RAI14: variants seen among roughly 807,000 people sequenced by gnomAD.
RAI14 encodes ankycorbin.
RAI14 carries 45 observed loss-of-function variants against 115.4 expected under a neutral mutation model. The ratio of observed to expected loss-of-function variants is 0.39; its 90% CI spans 0.31 to 0.50. RAI14 has a LOEUF of 0.50. Among genes scored for constraint, RAI14 ranks in the 20% least tolerant of loss-of-function variants. The pLI is 0.85. For missense variants in RAI14, 939 were observed against 1,131.2 expected, an observed-to-expected ratio of 0.83 and a Z score of 2.44; for synonymous variants, 371 against 415.4, an observed-to-expected ratio of 0.89 and a Z score of 1.30.
chr5:34,805,621 C>T (rs1391766181), intron 5 of RAI14, among the ~76,000 whole-genome samples: 1 of 152,138 alleles, frequency 6.6e-6, no homozygotes, highest in African/African-American at 2.4e-5. Flanking sequence ...GGGTGGATCA[C>T]CTGAGGCCAG....
chr5:34,720,566 A>G (rs1041237991), intron 2 of RAI14, among the ~76,000 whole-genome samples: 17 of 151,776 alleles, frequency 1.1e-4, no homozygotes, highest in Middle Eastern at 3.4e-3. Flanking sequence ...GCCCGCCACC[A>G]CGCCCAGCTA....
intron 1 of RAI14, among the ~76,000 whole-genome samples, chr5:34,675,793 G>A (rs76974979): frequency 0.11 from 16,326 of 151,844 alleles, 2,375 homozygotes; most frequent in African/African-American, 0.33. Flanking sequence ...CATATAATGT[G>A]TGGTCTTTTC....
chr5:34,770,774 G>C (rs1479644824), intron 3 of RAI14, among the ~76,000 whole-genome samples: 2 of 152,008 alleles, frequency 1.3e-5, no homozygotes, highest in Non-Finnish European at 2.9e-5. Flanking sequence ...TGCGTGTAGA[G>C]CCTTGTATGC....
intron 2 of RAI14, among the ~76,000 whole-genome samples, chr5:34,697,449 G>GAAAAAAAAAAAAAAAAAAAAAAAAAAA (rs113110556): frequency 1.6e-5 from 2 of 127,732 alleles, no homozygotes. Context: ...AAAAAAAAAA[G>GAAAAAAAAAAAAAAAAAAAAAAAAAAA]AAAAAAAAAA....
chr5:34,740,299 G>C (rs1489968703), intron 2 of RAI14, among the ~76,000 whole-genome samples: 2 of 152,174 alleles, frequency 1.3e-5, no homozygotes, highest in African/African-American at 4.8e-5. Flanking sequence ...AAATGTCTTA[G>C]ATTAAGGCCT....
At position 34,724,077 on chromosome 5, in the gene RAI14, C is replaced by T. The variant is rs543335258; in HGVS notation, c.37-33391C>T. ...TGTTGCCCAGGCTGGAGTGCGGTGGCGCAATCTCGGCTCACTGCAAACTCT... is the reference window on the plus strand; with the variant it reads ...TGTTGCCCAGGCTGGAGTGCGGTGGTGCAATCTCGGCTCACTGCAAACTCT... On this transcript the variant is annotated intron_variant, in intron 2 of 17. Transcript: ENST00000265109. Among the ~76,000 whole-genome samples the T allele has an allele frequency of 3.9e-5, 6 of 152,232 alleles. No individual in the cohort carries two copies. In the East Asian group the frequency reaches 5.8e-4, roughly 15 times the overall value.
Position 34,813,611 on chromosome 5 carries a change from G to A in RAI14, c.803G>A (p.Gly268Glu). The A allele has an allele frequency of 6.2e-7, 1 of 1,613,088 alleles. No homozygotes were observed. The highest frequency in any genetic ancestry group is 8.5e-7 in the Non-Finnish European group (1 of 1,179,482). The change falls in exon 11 of 18, where the codon GGA becomes GAA. Residue 268 changes from glycine to glutamate, a missense_variant. Coordinates refer to ENST00000265109, the MANE Select transcript of RAI14 (RefSeq NM_015577.3). ...QVSKISSERS[G>E]TPKKRKAPPP... The stretch of plus-strand genomic sequence containing the variant: ...TCTAAAATAAGCTCAGAAAGAAGTG[G>A]AACTCCAAAAAAACGCAAAGCTCCA...
rs1315594173 is a variant in RAI14 at position 34,752,739 on chromosome 5, G to GTATATA, written c.37-4728_37-4727insATATAT. 3.7e-3 allele frequency among the ~76,000 whole-genome samples: 392 copies of GTATATA among 105,680 alleles called. 5 individuals carry two copies. Among genetic ancestry groups the GTATATA allele is most frequent in the South Asian group, 5.1e-3 (18 of 3,546 alleles). The allele number at this position is 105,680 out of a possible 152,430, so 69.3% of individuals were successfully genotyped here. On this transcript the variant is annotated intron_variant, in intron 2 of 17. Transcript: ENST00000265109. ...TGTGTGTGTGTGTGTGTGTGTGTGT[G>GTATATA]TGTGTGTGTGTATATATATATATAT...
intron 2 of RAI14, among the ~76,000 whole-genome samples, chr5:34,750,848 A>ATTTTTTTTT (rs869028180): frequency 0.044 from 3,695 of 83,312 alleles, 272 homozygotes; most frequent in South Asian, 0.086. Flanking sequence ...TTGCTTTATC[A>ATTTTTTTTT]TTTTTTTTTT....
At position 34,796,014 on chromosome 5, in the gene RAI14, C is replaced by A. The variant is rs771943064; in HGVS notation, c.243C>A (p.Ala81=). The A allele has an allele frequency of 6.2e-7, 1 of 1,609,960 alleles. No individual in the cohort carries two copies. The highest frequency in any genetic ancestry group is 1.3e-5 in the African/African-American group (1 of 74,824). The change falls in exon 4 of 18, where the codon GCC becomes GCA. Residue 81 remains alanine, a synonymous_variant. Transcript: ENST00000265109. ...VMITHGVDVT[A]QDTTGHSALH... Reference sequence around the variant, plus strand: ...TTACACATGGTGTGGATGTGACAGCCCAAGATACTACCGGTATGTGGTTTT... The same window carrying A: ...TTACACATGGTGTGGATGTGACAGCACAAGATACTACCGGTATGTGGTTTT...
intron 3 of RAI14, among the ~76,000 whole-genome samples, chr5:34,766,908 C>G (rs75283499): frequency 0.08 from 12,113 of 152,174 alleles, 1,676 homozygotes; most frequent in African/African-American, 0.28. Flanking sequence ...TTCTCCCATA[C>G]TGTTCTTGCA....
chr5:34,664,067 C>A (rs1187461119), intron 1 of RAI14, among the ~76,000 whole-genome samples: 1 of 152,144 alleles, frequency 6.6e-6, no homozygotes, highest in South Asian at 2.1e-4. Context: ...ATTTGCTAAT[C>A]CCTGCTTCTA....
At chr5:34,738,275 A>G (rs1745105046) in intron 2 of RAI14, among the ~76,000 whole-genome samples, 1 of 152,196 alleles carries the variant, frequency 6.6e-6, no homozygotes, top group South Asian at 2.1e-4. Context: ...TAAAAAAACA[A>G]AAACAAAACC....
At chr5:34,795,742 A>G (rs1214384867) in intron 3 of RAI14, among the ~76,000 whole-genome samples, 197 bp from the exon 4 acceptor site, 6 of 151,852 alleles carry the variant, frequency 4.0e-5, no homozygotes, top group Admixed American at 3.9e-4. Context: ...TCAACGAGGA[A>G]ATTATCAGAC....
chr5:34,830,958 AACC>A lies in RAI14; in HGVS notation c.*195_*197del, dbSNP rs920431771. The A allele has an allele frequency of 2.0e-6, 2 of 981,140 alleles. No homozygotes were observed. Among genetic ancestry groups the A allele is most frequent in the Admixed American group, 6.5e-5 (2 of 30,544 alleles). The allele number at this position is 981,140 out of a possible 1,614,324, so 60.8% of individuals were successfully genotyped here. A position where few individuals can be genotyped will look rare whatever the true frequency, so the allele number is the denominator to read the frequency against. On this transcript the variant is annotated 3_prime_UTR_variant, in exon 18 of 18. Coordinates refer to ENST00000265109, the MANE Select transcript of RAI14 (RefSeq NM_015577.3). ...GCCTCAGAACTGCTTAGAGACTTCA[AACC>A]AGCAGAGGTGAAAGTCCCTGTCATC...
intron 3 of RAI14, among the ~76,000 whole-genome samples, chr5:34,770,360 A>T (rs1749996763): frequency 6.6e-6 from 1 of 152,220 alleles, no homozygotes; most frequent in South Asian, 2.1e-4. Flanking sequence ...AAACTCAAAA[A>T]GTTCAGGCTA....
At chr5:34,743,170 A>G (rs1378664794) in intron 2 of RAI14, among the ~76,000 whole-genome samples, 1 of 152,202 alleles carries the variant, frequency 6.6e-6, no homozygotes, top group African/African-American at 2.4e-5. Flanking sequence ...GCAGATTACC[A>G]CCAGCTGTGG....
rs71615830 is a variant in RAI14, at chr5:34,801,736, T to A, written c.257-1976T>A. Among the ~76,000 whole-genome samples, 19 of 148,312 alleles carry A rather than the reference T, an allele frequency of 1.3e-4. No homozygotes were observed. In the South Asian group the frequency reaches 3.2e-3, roughly 25 times the overall value. Reference sequence around the variant, plus strand: ...GGCCTGAATGACAGATAAGACTTTCTAAAAAAAAAAAGGTATTTGGGGCCT... The same window carrying A: ...GGCCTGAATGACAGATAAGACTTTCAAAAAAAAAAAAGGTATTTGGGGCCT... On this transcript the variant is annotated intron_variant, in intron 4 of 17. Transcript: ENST00000265109.
chr5:34,688,692 A>G (rs975675039), intron 2 of RAI14, among the ~76,000 whole-genome samples: 2 of 152,172 alleles, frequency 1.3e-5, no homozygotes, highest in African/African-American at 2.4e-5. Flanking sequence ...ATGGAGCCCA[A>G]CAATTTCAAA....
Sources: allele counts gnomAD v4.1 joint callset (sites outside exome capture counted in the v4.1 genomes callset), GRCh38; gene constraint gnomAD v4.1.1; transcripts MANE v1.5; gene names NCBI Gene and HGNC (gene_info 2026-07-23, HGNC 2026-07-21).